The following HDAC9 variants were observed in gnomAD, a reference collection of about 807,000 sequenced individuals.
HDAC9 encodes the protein MEF-2 interacting transcription repressor (MITR) protein.
A neutral mutation model predicts 139.4 loss-of-function variants in HDAC9; 41 were observed. The observed-to-expected ratio is 0.29, with a 90% CI of 0.23 to 0.38. The LOEUF (loss-of-function observed/expected upper bound fraction) is 0.38. Among genes scored for constraint, HDAC9 ranks in the 10% least tolerant of loss-of-function variants. HDAC9 has a pLI of 1.00. For missense variants in HDAC9, 1,147 were observed against 1,297.0 expected (o/e 0.88, Z 1.78); for synonymous variants, 517 against 476.2 (o/e 1.09, Z -1.12).
At chr7:18,145,677 A>G (rs1352432031) in intron 1 of HDAC9, among the ~76,000 whole-genome samples, 1 of 152,222 alleles carries the variant, frequency 6.6e-6, no homozygotes, top group Non-Finnish European at 1.5e-5. Context: ...ACAGAGGGGT[A>G]TATTTTAACT....
At chr7:18,861,652 A>C (rs1798118510) in intron 21 of HDAC9, among the ~76,000 whole-genome samples, 1 of 152,198 alleles carries the variant, frequency 6.6e-6, no homozygotes. Flanking sequence ...TCTCAGAATT[A>C]GTCAGAAATG....
intron 16 of HDAC9, among the ~76,000 whole-genome samples, chr7:18,771,037 G>A (rs549361810): frequency 1.3e-5 from 2 of 152,278 alleles, no homozygotes; most frequent in African/African-American, 2.4e-5. Flanking sequence ...TGGTCAATGG[G>A]TAGTGTCAGA....
chr7:18,547,097 A>G lies in HDAC9; in HGVS notation c.23-38184A>G, dbSNP rs542018073. On this transcript the variant is annotated intron_variant, in intron 2 of 25. Coordinates refer to ENST00000686413, the MANE Select transcript of HDAC9 (RefSeq NM_178425.4). ...AAAACTATACATACTTTAATTAAAA[A>G]TTACTTTATTGCTTAAAATTGCTAA... Among the ~76,000 whole-genome samples, 19 of 152,348 alleles carry G rather than the reference A, an allele frequency of 1.2e-4. No homozygotes were observed. The South Asian group carries it at 3.3e-3, about 27-fold the overall frequency.
chr7:18,477,652 G>C (rs1795218163), intron 1 of HDAC9, among the ~76,000 whole-genome samples: 1 of 152,150 alleles, frequency 6.6e-6, no homozygotes, highest in African/African-American at 2.4e-5. Context: ...CTTAAAGCCA[G>C]AGAGGAGCTT....
intron 12 of HDAC9, among the ~76,000 whole-genome samples, chr7:18,673,789 G>T (rs1035066603): frequency 1.3e-5 from 2 of 151,952 alleles, no homozygotes; most frequent in Non-Finnish European, 1.5e-5. Flanking sequence ...GTATCTTTCT[G>T]TTGCTCTTAA....
At chr7:18,719,580 T>A (rs1024500776) in intron 12 of HDAC9, among the ~76,000 whole-genome samples, 17 of 152,182 alleles carry the variant, frequency 1.1e-4, no homozygotes, top group Non-Finnish European at 1.8e-4. Flanking sequence ...CCTCAGGTGA[T>A]CCACCCACCT....
chr7:18,438,055 AGTG>A (rs1791380035), intron 1 of HDAC9, among the ~76,000 whole-genome samples: 1 of 150,772 alleles, frequency 6.6e-6, no homozygotes, highest in South Asian at 2.1e-4. Context: ...CTTTATATAA[AGTG>A]GTATATATAT....
At chr7:18,232,467 C>G (rs978397285) in intron 2 of HDAC9, among the ~76,000 whole-genome samples, 2 of 152,178 alleles carry the variant, frequency 1.3e-5, no homozygotes, top group African/African-American at 4.8e-5. Flanking sequence ...AAAACCTTTA[C>G]CTGTCCCCCT....
At chr7:18,988,964 C>T (rs536168329) in intron 25 of HDAC9, among the ~76,000 whole-genome samples, 16 of 100,678 alleles carry the variant, frequency 1.6e-4, no homozygotes, top group African/African-American at 4.0e-4. Context: ...TGTCTCTGCA[C>T]GTGAGATGGG....
intron 2 of HDAC9, among the ~76,000 whole-genome samples, chr7:18,199,907 G>C (rs983989981): frequency 6.6e-6 from 1 of 151,936 alleles, no homozygotes; most frequent in African/African-American, 2.4e-5. Flanking sequence ...TCCAGCTTGG[G>C]GGACAGAGTA....
intron 2 of HDAC9, among the ~76,000 whole-genome samples, chr7:18,181,452 C>G (rs981143278): frequency 6.6e-6 from 1 of 152,160 alleles, no homozygotes; most frequent in Non-Finnish European, 1.5e-5. Flanking sequence ...TCCTTTTGCA[C>G]AGTTCTGGAG....
intron 21 of HDAC9, among the ~76,000 whole-genome samples, chr7:18,856,196 A>G (rs1209998993): frequency 6.6e-6 from 1 of 152,178 alleles, no homozygotes; most frequent in Non-Finnish European, 1.5e-5. Flanking sequence ...TAAGGCTCAC[A>G]GCCCCTAAGA....
chr7:18,633,517 C>T (rs1176524180), intron 7 of HDAC9, among the ~76,000 whole-genome samples: 5 of 151,346 alleles, frequency 3.3e-5, no homozygotes, highest in South Asian at 2.1e-4. Flanking sequence ...AATGTGTGAG[C>T]GTTAGAGAGG....
intron 1 of HDAC9, among the ~76,000 whole-genome samples, chr7:18,466,305 T>G (rs541302973): frequency 1.3e-5 from 2 of 152,300 alleles, no homozygotes; most frequent in South Asian, 4.1e-4. Flanking sequence ...CAAGCCATCC[T>G]CCTGCCTCAG....
chr7:18,557,009 A>G (rs766534293), intron 2 of HDAC9, among the ~76,000 whole-genome samples: 31 of 152,070 alleles, frequency 2.0e-4, no homozygotes, highest in African/African-American at 6.8e-4. Flanking sequence ...GCTTCTTAAT[A>G]TCTTTTAATG....
At chr7:18,575,760 A>T (rs1465390645) in intron 2 of HDAC9, among the ~76,000 whole-genome samples, 1 of 152,242 alleles carries the variant, frequency 6.6e-6, no homozygotes, top group Non-Finnish European at 1.5e-5. Flanking sequence ...TTAATCGGGT[A>T]TGTGTGTATG....
intron 19 of HDAC9, among the ~76,000 whole-genome samples, chr7:18,832,785 G>C (rs1169820315): frequency 6.6e-6 from 1 of 151,726 alleles, no homozygotes; most frequent in South Asian, 2.1e-4. Flanking sequence ...GCCCAGGCTG[G>C]AGTGCAATGG....
chr7:18,971,273 TGA>T (rs1784228007), intron 24 of HDAC9, among the ~76,000 whole-genome samples: 1 of 152,084 alleles, frequency 6.6e-6, no homozygotes, highest in South Asian at 2.1e-4. Flanking sequence ...GTGGGAAAAA[TGA>T]ATAAGGATAG....
chr7:18,415,674 A>T (rs1228774869), intron 1 of HDAC9, among the ~76,000 whole-genome samples: 3 of 152,230 alleles, frequency 2.0e-5, no homozygotes, highest in Non-Finnish European at 2.9e-5. Flanking sequence ...CCTGAACAGT[A>T]TATGAGAATG....
Sources: gnomAD v4.1 joint callset for allele counts (sites outside exome capture counted in the v4.1 genomes callset) on GRCh38, gnomAD v4.1.1 for gene constraint, MANE v1.5 for transcripts, NCBI Gene and HGNC (gene_info 2026-07-23, HGNC 2026-07-21) for gene names.